The following ADGRV1 variants were observed in gnomAD, a reference collection of about 807,000 sequenced individuals.
The protein encoded by ADGRV1 is G-protein coupled receptor 98.
A neutral mutation model predicts 596.2 loss-of-function variants in ADGRV1; 359 were observed. That is an observed-to-expected ratio of 0.60 (90% CI 0.55 to 0.66). The LOEUF (loss-of-function observed/expected upper bound fraction) is 0.66, where lower values mean the gene tolerates loss of function less well. Among genes scored for constraint, ADGRV1 ranks in the 30% least tolerant of loss-of-function variants. The pLI, the probability that ADGRV1 is intolerant of heterozygous loss-of-function variation, is 0.00. For synonymous variants in ADGRV1, 2,681 were observed against 2,679.2 expected, an observed-to-expected ratio of 1.00 and a Z score of -0.02; for missense variants, 7,274 against 7,575.6, an observed-to-expected ratio of 0.96 and a Z score of 1.48.
chr5:90,601,797 A>G (rs1761443028), intron 1 of ADGRV1, among the ~76,000 whole-genome samples: 1 of 152,188 alleles, frequency 6.6e-6, no homozygotes, highest in Admixed American at 6.5e-5. Context: ...ATTCTGGGTA[A>G]CAGTTTATAG....
At chr5:91,074,662 C>A (rs1320322522) in intron 86 of ADGRV1, among the ~76,000 whole-genome samples, 2 of 152,180 alleles carry the variant, frequency 1.3e-5, no homozygotes, top group African/African-American at 4.8e-5. Context: ...CATGGTAGAA[C>A]AATTTCTATT....
At chr5:90,705,280 T>A in intron 36 of ADGRV1, 120 bp from the exon 37 acceptor site, 1 of 779,586 alleles carries the variant, frequency 1.3e-6, no homozygotes, top group South Asian at 2.2e-5. Context: ...ACCTGAAGAT[T>A]TGTTAGAGAA....
chr5:90,682,226 T>G (rs1745042863), intron 27 of ADGRV1, among the ~76,000 whole-genome samples: 1 of 152,202 alleles, frequency 6.6e-6, no homozygotes. Context: ...ACCAAGGCTA[T>G]ATCTCAGCAG....
At chr5:90,965,334 A>G in intron 83 of ADGRV1, 81 bp from the exon 84 acceptor site, 1 of 858,304 alleles carries the variant, frequency 1.2e-6, no homozygotes, top group South Asian at 1.4e-5. Flanking sequence ...TCATAGATTT[A>G]GATAAGAAAG....
At chr5:90,680,656 T>C (rs1009657719) in intron 26 of ADGRV1, among the ~76,000 whole-genome samples, 11 of 152,230 alleles carry the variant, frequency 7.2e-5, no homozygotes, top group African/African-American at 2.7e-4. Context: ...ATTCCTAACT[T>C]CCATCAGTGC....
Position 90,725,064 on chromosome 5 carries a change from ATT to A in ADGRV1, c.9907-21_9907-20del, listed in dbSNP as rs1290121618. 3.3e-6 allele frequency: 5 copies of A among 1,528,842 alleles called. No individual in the cohort carries two copies. The highest frequency in any genetic ancestry group is 4.4e-6 in the Non-Finnish European group (5 of 1,126,482). 94.7% of individuals were successfully genotyped at this position (1,528,842 alleles called of 1,614,324 possible). On this transcript the variant is annotated intron_variant, in intron 46 of 89. Transcript: ENST00000405460. ...TTTTAGATGTATAATGAATAACTGT[ATT>A]CTTATTCCTCATTTTCTAGGATTTA... is the stretch of plus-strand genomic sequence containing the variant.
intron 70 of ADGRV1, among the ~76,000 whole-genome samples, chr5:90,798,332 G>T (rs1486605286): frequency 6.6e-6 from 1 of 152,086 alleles, no homozygotes; most frequent in Non-Finnish European, 1.5e-5. Context: ...TAGAAGAAAT[G>T]GATAAATTCA....
At chr5:90,888,440 A>G (rs545133541) in intron 83 of ADGRV1, among the ~76,000 whole-genome samples, 3 of 152,296 alleles carry the variant, frequency 2.0e-5, no homozygotes, top group South Asian at 2.1e-4. Flanking sequence ...GGTAACTAAA[A>G]TATAAAATAG....
intron 53 of ADGRV1, 29 bp from the exon 54 acceptor site, chr5:90,753,545 A>C: frequency 1.3e-6 from 2 of 1,529,252 alleles, no homozygotes; most frequent in Non-Finnish European, 1.8e-6. Context: ...TTACAAAATA[A>C]ATAACATCTT....
At chr5:91,042,332 C>T (rs1435921331) in intron 85 of ADGRV1, among the ~76,000 whole-genome samples, 1 of 152,162 alleles carries the variant, frequency 6.6e-6, no homozygotes, top group Non-Finnish European at 1.5e-5. Context: ...AAAACAACAG[C>T]TTTCTTACAG....
At chr5:90,705,616 A>G in intron 37 of ADGRV1, 37 bp downstream of exon 37, 1 of 1,540,300 alleles carries the variant, frequency 6.5e-7, no homozygotes, top group Non-Finnish European at 8.9e-7. Context: ...GTTTCCAGGC[A>G]AGTGCTTATT....
chr5:90,639,860 G>C (rs1766739860), intron 11 of ADGRV1, among the ~76,000 whole-genome samples: 1 of 152,120 alleles, frequency 6.6e-6, no homozygotes, highest in Non-Finnish European at 1.5e-5. Context: ...TAGCAAGCAT[G>C]ATTACAATAA....
chr5:90,829,887 C>T (rs1057126767), intron 77 of ADGRV1, among the ~76,000 whole-genome samples: 1 of 152,136 alleles, frequency 6.6e-6, no homozygotes, highest in African/African-American at 2.4e-5. Context: ...CCTTAGTCCT[C>T]TCTTTGTTCC....
intron 79 of ADGRV1, chr5:90,850,880 T>C (rs976811136): frequency 6.6e-6 from 1 of 152,162 alleles, no homozygotes; most frequent in Non-Finnish European, 1.5e-5. Flanking sequence ...ATGTCTGGTA[T>C]GTGGTGGATT....
intron 85 of ADGRV1, among the ~76,000 whole-genome samples, chr5:90,988,368 A>T (rs894707606): frequency 4.2e-4 from 64 of 152,228 alleles, no homozygotes; most frequent in African/African-American, 1.5e-3. Flanking sequence ...TTAAATATAG[A>T]CAAAGTCCAA....
At chr5:91,012,007 A>T (rs949115992) in intron 85 of ADGRV1, among the ~76,000 whole-genome samples, 1 of 151,772 alleles carries the variant, frequency 6.6e-6, no homozygotes, top group African/African-American at 2.4e-5. Context: ...TAACCATTAT[A>T]GTGTATCTCA....
chr5:90,576,873 G>A (rs867360756), intron 1 of ADGRV1, among the ~76,000 whole-genome samples: 4 of 152,330 alleles, frequency 2.6e-5, no homozygotes, highest in Non-Finnish European at 5.9e-5. Context: ...CAGTGATGAT[G>A]AGCATTTTTT....
chr5:91,030,422 G>A (rs1405761124), intron 85 of ADGRV1, among the ~76,000 whole-genome samples: 2 of 152,022 alleles, frequency 1.3e-5, no homozygotes, highest in African/African-American at 4.8e-5. Context: ...TTAAGATGGA[G>A]TTCTTTGTGT....
chr5:90,829,266 T>G, intron 77 of ADGRV1, 80 bp downstream of exon 77: 1 of 1,139,168 alleles, frequency 8.8e-7, no homozygotes, highest in Non-Finnish European at 1.2e-6. Flanking sequence ...TAGGGAATAA[T>G]TGATACATTA....
Sources: gnomAD v4.1 joint callset for allele counts (sites outside exome capture counted in the v4.1 genomes callset) on GRCh38, gnomAD v4.1.1 for gene constraint, MANE v1.5 for transcripts, NCBI Gene and HGNC (gene_info 2026-07-23, HGNC 2026-07-21) for gene names.